POLR3G: variants seen among roughly 807,000 people sequenced by gnomAD.
POLR3G encodes the protein RNA polymerase III subunit G.
In POLR3G, 28 loss-of-function variants were observed where a neutral mutation model predicts 30.1. That is an observed-to-expected ratio of 0.93 (90% CI 0.69 to 1.27). POLR3G has a LOEUF of 1.27. POLR3G is among the 50% of genes most tolerant of loss of function. POLR3G has a pLI of 0.00. For missense variants in POLR3G, 254 were observed against 264.6 expected (o/e 0.96, Z 0.28); for synonymous variants, 79 against 82.5 (o/e 0.96, Z 0.23).
intron 3 of POLR3G, among the ~76,000 whole-genome samples, chr5:90,490,274 G>GT (rs67906055): frequency 0.19 from 24,578 of 131,454 alleles, 2,323 homozygotes; most frequent in East Asian, 0.39. Flanking sequence ...AAATATAAGG[G>GT]TTTTTTTTTT....
At chr5:90,497,219 T>C (rs1752036429) in intron 4 of POLR3G, among the ~76,000 whole-genome samples, 1 of 152,122 alleles carries the variant, frequency 6.6e-6, no homozygotes, top group Non-Finnish European at 1.5e-5. Context: ...GTTTATTTCA[T>C]TTTGCATGTT....
chr5:90,509,175 A>G (rs1046053787), intron 7 of POLR3G, among the ~76,000 whole-genome samples: 1 of 152,218 alleles, frequency 6.6e-6, no homozygotes, highest in Non-Finnish European at 1.5e-5. Context: ...TTTTTGTTAC[A>G]TAATGCTTTT....
intron 1 of POLR3G, among the ~76,000 whole-genome samples, chr5:90,478,168 A>G (rs1750932336): frequency 6.6e-6 from 1 of 151,768 alleles, no homozygotes; most frequent in Non-Finnish European, 1.5e-5. Flanking sequence ...AGCATCTGCT[A>G]GGACGTTGTT....
At chr5:90,511,964 A>G in intron 7 of POLR3G, 89 bp from the exon 8 acceptor site, 1 of 859,054 alleles carries the variant, frequency 1.2e-6, no homozygotes, top group Non-Finnish European at 1.9e-6. Context: ...TTTTTGAAGC[A>G]GATAAAAAGC....
chr5:90,474,441 G>A (rs1165616287), upstream of POLR3G: 3 of 706,796 alleles, frequency 4.2e-6, no homozygotes, highest in Non-Finnish European at 4.8e-6. Flanking sequence ...GGATGCGGGG[G>A]TCGGAATAGG....
At chr5:90,474,747 A>C, upstream of POLR3G, 1 of 192,188 alleles carries the variant, frequency 5.2e-6, no homozygotes. Flanking sequence ...CTGGCGCAGA[A>C]AGTGTGGGGC....
rs1157972051 is a variant in POLR3G at position 90,506,553 on chromosome 5, A to G, written c.464A>G (p.Glu155Gly). The G allele has an allele frequency of 1.2e-6, 2 of 1,613,148 alleles. No homozygotes were observed. The highest frequency in any genetic ancestry group is 2.2e-5 in the South Asian group (2 of 90,868). ...GAATTGGAAAAAAGAGGTGATGGTGAAAAATCAGATGAGGAAAATGAAGAG... is the reference window on the plus strand; with the variant it reads ...GAATTGGAAAAAAGAGGTGATGGTGGAAAATCAGATGAGGAAAATGAAGAG... ...MEELEKRGDGEKSDEENEEKE... is the reference protein window; with the variant it reads ...MEELEKRGDGGKSDEENEEKE... The change falls in exon 7 of 8, where the codon GAA becomes GGA. Residue 155 changes from glutamate to glycine, a missense_variant. Coordinates refer to ENST00000651687, the MANE Select transcript of POLR3G (RefSeq NM_006467.3).
At chr5:90,497,746 G>T (rs757363746) in intron 5 of POLR3G, 40 bp downstream of exon 5, 4 of 1,565,850 alleles carry the variant, frequency 2.6e-6, no homozygotes, top group African/African-American at 1.4e-5. Context: ...GTAGGAAAAG[G>T]TTATTTCTTA....
At chr5:90,491,635 AG>A (rs1193124905) in intron 3 of POLR3G, among the ~76,000 whole-genome samples, 4 of 152,106 alleles carry the variant, frequency 2.6e-5, no homozygotes, top group Admixed American at 6.5e-5. Flanking sequence ...TTTCTTAAAA[AG>A]GAAAACTCAT....
chr5:90,499,626 A>G (rs1752151180), intron 5 of POLR3G, among the ~76,000 whole-genome samples: 1 of 152,218 alleles, frequency 6.6e-6, no homozygotes, highest in Non-Finnish European at 1.5e-5. Flanking sequence ...GAAGGTAGTC[A>G]GAGAGGTTAA....
chr5:90,506,674 G>A lies in POLR3G; in HGVS notation c.585G>A (p.Glu195=). 1 of 1,596,960 alleles carries A rather than the reference G, an allele frequency of 6.3e-7. No individual in the cohort carries two copies. Among genetic ancestry groups the A allele is most frequent in the Non-Finnish European group, 8.5e-7 (1 of 1,171,616 alleles). ...QEEYDEEEQE[E]ENDYINSYFE... is the part of the protein sequence containing the mutation. The stretch of plus-strand genomic sequence containing the variant: ...AATATGATGAAGAAGAGCAAGAAGA[G>A]GTAATGGTTCATTTGGGGATGGTAG... The change falls in exon 7 of 8, where the codon GAG becomes GAA. Residue 195 remains glutamate (E), a splice_region_variant and synonymous_variant. Coordinates refer to ENST00000651687, the MANE Select transcript of POLR3G (RefSeq NM_006467.3).
At chr5:90,490,776 A>G in intron 3 of POLR3G, 1 of 248,820 alleles carries the variant, frequency 4.0e-6, no homozygotes, top group South Asian at 4.1e-5. Context: ...TTTCTATAAA[A>G]TATATACATT....
chr5:90,474,543 C>A, upstream of POLR3G: 3 of 518,172 alleles, frequency 5.8e-6, no homozygotes, highest in Non-Finnish European at 1.0e-5. Flanking sequence ...GCCACCAGCA[C>A]GGGGGCGCAG....
upstream of POLR3G, chr5:90,473,993 C>T (rs1193658624): frequency 6.3e-7 from 1 of 1,598,484 alleles, no homozygotes; most frequent in Non-Finnish European, 8.5e-7. Flanking sequence ...CGGCGTGGTG[C>T]ACTGCCACGC....
chr5:90,475,399 T>C (rs548745714), intron 1 of POLR3G, among the ~76,000 whole-genome samples: 25 of 152,290 alleles, frequency 1.6e-4, no homozygotes, highest in South Asian at 2.1e-4. Context: ...GTTGGCACTT[T>C]ATATCGTAGG....
At chr5:90,510,999 CAT>C (rs1752715326) in intron 7 of POLR3G, among the ~76,000 whole-genome samples, 2 of 151,952 alleles carry the variant, frequency 1.3e-5, no homozygotes, top group Non-Finnish European at 2.9e-5. Context: ...AGATCTCAAT[CAT>C]GTGCAAAAAT....
chr5:90,477,110 G>A (rs1324797236), intron 1 of POLR3G, among the ~76,000 whole-genome samples: 1 of 152,212 alleles, frequency 6.6e-6, no homozygotes, highest in Non-Finnish European at 1.5e-5. Flanking sequence ...TGTAAAAAGG[G>A]CTTAAAAGCA....
At chr5:90,500,852 T>G (rs1216464150) in intron 5 of POLR3G, among the ~76,000 whole-genome samples, 1 of 152,150 alleles carries the variant, frequency 6.6e-6, no homozygotes, top group Non-Finnish European at 1.5e-5. Flanking sequence ...ACAAAGTAAT[T>G]TCTAAGTGTT....
chr5:90,509,371 T>C (rs1229341686), intron 7 of POLR3G, among the ~76,000 whole-genome samples: 1 of 152,168 alleles, frequency 6.6e-6, no homozygotes, highest in African/African-American at 2.4e-5. Flanking sequence ...ATTCAACCTA[T>C]AGTAAGTGTA....
Sources: allele counts gnomAD v4.1 joint callset (sites outside exome capture counted in the v4.1 genomes callset), GRCh38; gene constraint gnomAD v4.1.1; transcripts MANE v1.5; gene names NCBI Gene and HGNC (gene_info 2026-07-23, HGNC 2026-07-21).